Variants in ADAMTS12 observed in about 807,000 individuals in gnomAD.
ADAMTS12 encodes the protein A disintegrin and metalloproteinase with thrombospondin motifs 12.
ADAMTS12 carries 118 observed loss-of-function variants against 167.8 expected under a neutral mutation model. The ratio of observed to expected loss-of-function variants is 0.70; its 90% CI spans 0.61 to 0.82. The LOEUF (loss-of-function observed/expected upper bound fraction) is 0.82, where lower values mean the gene tolerates loss of function less well. Ranked by LOEUF, ADAMTS12 falls within the 40% of genes least tolerant of loss-of-function variation. The pLI is 0.00. For missense variants in ADAMTS12, 1,916 were observed against 1,998.8 expected (o/e 0.96, Z 0.79); for synonymous variants, 704 against 716.9 (o/e 0.98, Z 0.29).
intron 19 of ADAMTS12, among the ~76,000 whole-genome samples, chr5:33,567,258 T>C (rs928847133): frequency 6.6e-6 from 1 of 152,232 alleles, no homozygotes; most frequent in Non-Finnish European, 1.5e-5. Context: ...TGACCTAGGC[T>C]GTCTTATTCT....
chr5:33,703,725 C>T (rs1743086373), intron 3 of ADAMTS12, among the ~76,000 whole-genome samples: 1 of 152,128 alleles, frequency 6.6e-6, no homozygotes, highest in South Asian at 2.1e-4. Flanking sequence ...AATGGCAGTG[C>T]TATCCTTTCC....
At chr5:33,758,457 G>A (rs10521007) in intron 2 of ADAMTS12, among the ~76,000 whole-genome samples, 18,214 of 152,184 alleles carry the variant, frequency 0.12, 1,313 homozygotes, top group Non-Finnish European at 0.15. Context: ...ATGAAGTGAA[G>A]TTGATGGCAG....
Position 33,576,596 on chromosome 5 carries a change from A to G in ADAMTS12, c.3430T>C (p.Tyr1144His), listed in dbSNP as rs752374949. 8 of 1,614,098 alleles carry G rather than the reference A, an allele frequency of 5.0e-6. No homozygotes were observed. The East Asian group carries it at 1.3e-4, about 27-fold the overall frequency. ...TCTGGACCTTTGGTCAAGGTATTGTAAAATGGAGTCACAGGCCAAGTGATA... is the reference window on the plus strand; with the variant it reads ...TCTGGACCTTTGGTCAAGGTATTGTGAAATGGAGTCACAGGCCAAGTGATA... Reference protein sequence around the residue: ...NPITWPVTPFYNTLTKGPEME... With the variant: ...NPITWPVTPFHNTLTKGPEME... The change falls in exon 19 of 24, where the codon TAC becomes CAC. Residue 1144 changes from tyrosine (Y) to histidine (H), a missense_variant. Transcript: ENST00000504830.
intron 9 of ADAMTS12, among the ~76,000 whole-genome samples, chr5:33,645,614 T>C (rs1365896273): frequency 2.0e-5 from 3 of 152,208 alleles, no homozygotes; most frequent in Non-Finnish European, 4.4e-5. Context: ...TTACTTTAAG[T>C]TCACTGAGCA....
chr5:33,874,872 A>T (rs1750167815), intron 2 of ADAMTS12, among the ~76,000 whole-genome samples: 1 of 152,168 alleles, frequency 6.6e-6, no homozygotes, highest in South Asian at 2.1e-4. Flanking sequence ...GATTGAGACC[A>T]TTCTGGCCAA....
intron 19 of ADAMTS12, among the ~76,000 whole-genome samples, chr5:33,569,581 A>C (rs1380788714): frequency 1.3e-5 from 2 of 152,160 alleles, no homozygotes; most frequent in East Asian, 1.9e-4. Context: ...ACATCCACAC[A>C]AAAAACCCAT....
intron 3 of ADAMTS12, among the ~76,000 whole-genome samples, chr5:33,714,803 G>A (rs1229324391): frequency 3.9e-5 from 6 of 151,988 alleles, no homozygotes; most frequent in Non-Finnish European, 5.9e-5. Flanking sequence ...AGGGGCAGAG[G>A]GAAGGCAGAG....
At position 33,637,627 on chromosome 5, in the gene ADAMTS12, G is replaced by A. The variant is rs753062482; in HGVS notation, c.1838C>T (p.Thr613Ile). Residue 613 changes from threonine (T) to isoleucine (I), a missense_variant, in exon 12 of 24, where the codon ACT becomes ATT. Thr to Ile is a moderately conservative substitution (Grantham distance 89). Coordinates refer to ENST00000504830, the MANE Select transcript of ADAMTS12 (RefSeq NM_030955.4). Reference protein sequence around the residue: ...FRQMQCSEFDTVPYKNELYHW... With the variant: ...FRQMQCSEFDIVPYKNELYHW... ...GTAGAGTTCATTCTTGTAGGGAACAGTGTCAAATTCACTGCACTGCATCTG... is the reference window on the plus strand; with the variant it reads ...GTAGAGTTCATTCTTGTAGGGAACAATGTCAAATTCACTGCACTGCATCTG... The A allele has an allele frequency of 9.9e-6, 16 of 1,613,744 alleles. No individual in the cohort carries two copies. In the East Asian group the frequency reaches 3.6e-4, roughly 36 times the overall value.
chr5:33,583,316 C>G (rs1012613751), intron 18 of ADAMTS12, among the ~76,000 whole-genome samples: 2 of 152,176 alleles, frequency 1.3e-5, no homozygotes, highest in Non-Finnish European at 2.9e-5. Flanking sequence ...TTGCAAATGA[C>G]TGAATCTCAT....
intron 5 of ADAMTS12, 94 bp downstream of exon 5, chr5:33,682,924 T>C: frequency 1.0e-6 from 1 of 975,954 alleles, no homozygotes; most frequent in Non-Finnish European, 1.5e-6. Flanking sequence ...CACTTTCTGG[T>C]ACCCTCTTTC....
At chr5:33,551,307 T>C (rs943396569) in intron 20 of ADAMTS12, among the ~76,000 whole-genome samples, 2 of 152,206 alleles carry the variant, frequency 1.3e-5, no homozygotes, top group African/African-American at 4.8e-5. Flanking sequence ...AGGGGACAGA[T>C]TGATGCTCTG....
At chr5:33,565,338 G>A (rs1283591962) in intron 19 of ADAMTS12, among the ~76,000 whole-genome samples, 2 of 152,110 alleles carry the variant, frequency 1.3e-5, no homozygotes, top group Non-Finnish European at 2.9e-5. Context: ...TTTTTTTGTA[G>A]AAAGTGTTTT....
chr5:33,855,109 C>A (rs946047024), intron 2 of ADAMTS12, among the ~76,000 whole-genome samples: 1 of 152,184 alleles, frequency 6.6e-6, no homozygotes, highest in African/African-American at 2.4e-5. Context: ...AGGCTTTAGA[C>A]AGCATTCAAG....
chr5:33,721,629 T>C (rs543825588), intron 3 of ADAMTS12, among the ~76,000 whole-genome samples: 2 of 152,320 alleles, frequency 1.3e-5, no homozygotes, highest in East Asian at 1.9e-4. Context: ...CCAGAAGATA[T>C]TGCTGAGCTG....
At chr5:33,751,336 G>T in intron 3 of ADAMTS12, 68 bp downstream of exon 3, 1 of 1,602,892 alleles carries the variant, frequency 6.2e-7, no homozygotes, top group Non-Finnish European at 8.5e-7. Flanking sequence ...AATAGGTCAT[G>T]TTTTAATAAA....
chr5:33,677,632 G>A (rs753808364), intron 5 of ADAMTS12, among the ~76,000 whole-genome samples: 31 of 152,202 alleles, frequency 2.0e-4, no homozygotes, highest in Admixed American at 9.2e-4. Context: ...TAAAAGGATA[G>A]AATTTGGGCC....
intron 2 of ADAMTS12, among the ~76,000 whole-genome samples, chr5:33,842,142 T>A (rs1748767790): frequency 6.6e-6 from 1 of 152,180 alleles, no homozygotes; most frequent in African/African-American, 2.4e-5. Flanking sequence ...GGATTATGAC[T>A]TTACTTTGTT....
chr5:33,740,621 T>G (rs1332578128), intron 3 of ADAMTS12, among the ~76,000 whole-genome samples: 3 of 152,190 alleles, frequency 2.0e-5, no homozygotes, highest in Non-Finnish European at 4.4e-5. Context: ...TCCAAGACAC[T>G]GCGGGCACGC....
At chr5:33,779,396 G>C (rs974605189) in intron 2 of ADAMTS12, among the ~76,000 whole-genome samples, 9 of 152,078 alleles carry the variant, frequency 5.9e-5, no homozygotes, top group African/African-American at 2.2e-4. Flanking sequence ...ATGTTGGTCA[G>C]GCTGGTCTTG....
Sources: allele counts gnomAD v4.1 joint callset (sites outside exome capture counted in the v4.1 genomes callset), GRCh38; gene constraint gnomAD v4.1.1; transcripts MANE v1.5; gene names NCBI Gene and HGNC (gene_info 2026-07-23, HGNC 2026-07-21).